The following RNF111 variants were observed in gnomAD, a reference collection of about 807,000 sequenced individuals.
RNF111 encodes E3 ubiquitin-protein ligase Arkadia.
In RNF111, 17 loss-of-function variants were observed where a neutral mutation model predicts 95.1. That is an observed-to-expected ratio of 0.18 (90% CI 0.12 to 0.27). The LOEUF (loss-of-function observed/expected upper bound fraction) is 0.27, where lower values mean the gene tolerates loss of function less well. RNF111 is among the 10% of genes least tolerant of loss of function. The pLI is 1.00. For missense variants in RNF111, 1,189 were observed against 1,210.4 expected (o/e 0.98, Z 0.26); for synonymous variants, 440 against 414.8 (o/e 1.06, Z -0.74).
chr15:59,060,976 A>T (rs368113937), intron 5 of RNF111, among the ~76,000 whole-genome samples: 4 of 151,842 alleles, frequency 2.6e-5, no homozygotes, highest in South Asian at 4.2e-4. Context: ...TTTAGTAGAG[A>T]TGGGGTTTTG....
chr15:59,052,799 A>G (rs1470206047), intron 3 of RNF111, among the ~76,000 whole-genome samples: 5 of 152,052 alleles, frequency 3.3e-5, no homozygotes, highest in Admixed American at 6.6e-5. Flanking sequence ...ACTCTTTCCC[A>G]TACTTGAACT....
intron 1 of RNF111, among the ~76,000 whole-genome samples, chr15:59,025,724 C>CT (rs1185971417): frequency 5.3e-4 from 77 of 146,426 alleles, no homozygotes; most frequent in South Asian, 1.7e-3. Flanking sequence ...TCATCTATGG[C>CT]TTTTTTTTTT....
chr15:59,020,654 A>C (rs1483370117), intron 1 of RNF111, among the ~76,000 whole-genome samples: 5 of 152,220 alleles, frequency 3.3e-5, no homozygotes, highest in African/African-American at 1.2e-4. Flanking sequence ...CAGATGAGAA[A>C]ATCATTAAGT....
intron 1 of RNF111, among the ~76,000 whole-genome samples, chr15:59,028,042 G>A (rs1296823646): frequency 3.9e-5 from 6 of 152,040 alleles, no homozygotes; most frequent in Admixed American, 2.0e-4. Flanking sequence ...GGCCAGGCTG[G>A]CCTCGAACTC....
chr15:59,097,071 T>C lies in RNF111; in HGVS notation c.*2171T>C, dbSNP rs1200992137. 1 of 152,248 alleles carries C rather than the reference T, an allele frequency of 6.6e-6. No homozygotes were observed. The highest frequency in any genetic ancestry group is 2.4e-5 in the African/African-American group (1 of 41,464). The allele number at this position is 152,248 out of a possible 1,614,324, so 9.4% of individuals were successfully genotyped here. ...GTGACATAAACCTGAATTGTTAATATAGGAGCTTATTAAGCTACTGCCATT... is the reference window on the plus strand; with the variant it reads ...GTGACATAAACCTGAATTGTTAATACAGGAGCTTATTAAGCTACTGCCATT... On this transcript the variant is annotated 3_prime_UTR_variant, in exon 14 of 14. Transcript: ENST00000348370.
intron 1 of RNF111, among the ~76,000 whole-genome samples, chr15:59,029,281 T>C (rs144067472): frequency 6.6e-6 from 1 of 152,312 alleles, no homozygotes; most frequent in African/African-American, 2.4e-5. Flanking sequence ...TGTTTTATCA[T>C]TGTGACTTCT....
At chr15:59,039,181 C>T (rs540535001) in intron 2 of RNF111, among the ~76,000 whole-genome samples, 1 of 152,232 alleles carries the variant, frequency 6.6e-6, no homozygotes, top group South Asian at 2.1e-4. Flanking sequence ...TCATGCTGGT[C>T]TCGAACTCCT....
At chr15:58,997,769 T>C (rs1596028494) in intron 1 of RNF111, among the ~76,000 whole-genome samples, 4 of 151,274 alleles carry the variant, frequency 2.6e-5, no homozygotes, top group Admixed American at 1.3e-4. Context: ...TGAGCCAAGA[T>C]TGCGCCACTG....
At chr15:59,004,438 T>TA (rs2039451940) in intron 1 of RNF111, among the ~76,000 whole-genome samples, 1 of 152,226 alleles carries the variant, frequency 6.6e-6, no homozygotes, top group African/African-American at 2.4e-5. Context: ...ATATGAAATT[T>TA]GTTAGGAAAG....
At chr15:59,006,803 T>G (rs2039560842) in intron 1 of RNF111, among the ~76,000 whole-genome samples, 1 of 152,188 alleles carries the variant, frequency 6.6e-6, no homozygotes, top group Non-Finnish European at 1.5e-5. Context: ...TTTTTTTTCT[T>G]TGAGATGGAG....
At chr15:59,020,893 CCTT>C (rs1312312124) in intron 1 of RNF111, among the ~76,000 whole-genome samples, 2 of 151,846 alleles carry the variant, frequency 1.3e-5, no homozygotes, top group East Asian at 1.9e-4. Flanking sequence ...TTTTTTATGC[CCTT>C]CTTTTTTGTT....
intron 2 of RNF111, among the ~76,000 whole-genome samples, chr15:59,048,349 T>C (rs549682373): frequency 6.6e-6 from 1 of 152,340 alleles, no homozygotes; most frequent in Admixed American, 6.5e-5. Flanking sequence ...GCCAAAAGTG[T>C]ATGCAATGTG....
intron 1 of RNF111, among the ~76,000 whole-genome samples, chr15:59,016,723 C>T (rs1382561608): frequency 6.6e-6 from 1 of 152,148 alleles, no homozygotes; most frequent in Non-Finnish European, 1.5e-5. Context: ...TTCCCCAACC[C>T]CTGGGCCACG....
At chr15:59,032,530 T>A (rs1299486306) in intron 2 of RNF111, among the ~76,000 whole-genome samples, 2 of 152,162 alleles carry the variant, frequency 1.3e-5, no homozygotes, top group African/African-American at 4.8e-5. Flanking sequence ...GAAGCCGTCC[T>A]CCCACGTCAG....
At chr15:59,006,752 A>T (rs962591342) in intron 1 of RNF111, among the ~76,000 whole-genome samples, 2 of 152,190 alleles carry the variant, frequency 1.3e-5, no homozygotes, top group African/African-American at 2.4e-5. Context: ...CTACAGTTTC[A>T]TGTCACTAAC....
intron 10 of RNF111, among the ~76,000 whole-genome samples, 168 bp downstream of exon 10, chr15:59,085,953 A>T (rs527341159): frequency 6.6e-6 from 1 of 152,182 alleles, no homozygotes; most frequent in South Asian, 2.1e-4. Flanking sequence ...TAAAATCTGC[A>T]CGTATAATTT....
intron 6 of RNF111, among the ~76,000 whole-genome samples, 187 bp from the exon 7 acceptor site, chr15:59,075,767 A>G (rs2043138946): frequency 6.6e-6 from 1 of 152,188 alleles, no homozygotes; most frequent in African/African-American, 2.4e-5. Context: ...TCCAGGATAC[A>G]CTTGTTATAT....
intron 9 of RNF111, 69 bp from the exon 10 acceptor site, chr15:59,085,590 T>A: frequency 2.2e-6 from 3 of 1,381,858 alleles, no homozygotes; most frequent in Admixed American, 2.5e-5. Flanking sequence ...AGTGTAAACA[T>A]AACTCCCCAT....
chr15:59,039,827 C>T (rs1327158960), intron 2 of RNF111, among the ~76,000 whole-genome samples: 1 of 152,112 alleles, frequency 6.6e-6, no homozygotes, highest in Admixed American at 6.5e-5. Flanking sequence ...AGCGATTCCC[C>T]TGCCTCAGCC....
Sources: allele counts gnomAD v4.1 joint callset (sites outside exome capture counted in the v4.1 genomes callset), GRCh38; gene constraint gnomAD v4.1.1; transcripts MANE v1.5; gene names NCBI Gene and HGNC (gene_info 2026-07-23, HGNC 2026-07-21).